The following RGS12 variants were observed in gnomAD, a reference collection of about 807,000 sequenced individuals.
The protein encoded by RGS12 is regulator of G protein signaling 12.
A neutral mutation model predicts 120.1 loss-of-function variants in RGS12; 66 were observed. The ratio of observed to expected loss-of-function variants is 0.55; its 90% CI spans 0.45 to 0.67. The LOEUF (loss-of-function observed/expected upper bound fraction) is 0.67, where lower values mean the gene tolerates loss of function less well. Ranked by LOEUF, RGS12 falls within the 30% of genes least tolerant of loss-of-function variation. The pLI is 0.00. For missense variants in RGS12, 1,859 were observed against 1,957.7 expected (o/e 0.95, Z 0.95); for synonymous variants, 827 against 804.7 (o/e 1.03, Z -0.47).
intron 3 of RGS12, among the ~76,000 whole-genome samples, chr4:3,375,010 C>T (rs762860): frequency 2.4e-4 from 36 of 152,334 alleles, no homozygotes; most frequent in African/African-American, 8.4e-4. Context: ...TTGCGTTTGC[C>T]ATGCACCGCC....
At chr4:3,428,013 C>T in intron 14 of RGS12, 77 bp from the exon 15 acceptor site, 1 of 1,353,894 alleles carries the variant, frequency 7.4e-7, no homozygotes, top group Non-Finnish European at 1.1e-6. Flanking sequence ...CTCTCAGAGA[C>T]AGTAGGAGCA....
chr4:3,381,391 T>C (rs1397174434), intron 3 of RGS12, among the ~76,000 whole-genome samples: 1 of 152,234 alleles, frequency 6.6e-6, no homozygotes, highest in African/African-American at 2.4e-5. Flanking sequence ...GGCAGCACCC[T>C]ACTTCTGGTA....
intron 4 of RGS12, among the ~76,000 whole-genome samples, chr4:3,407,152 A>G (rs1394143037): frequency 1.3e-5 from 2 of 152,130 alleles, no homozygotes; most frequent in African/African-American, 4.8e-5. Context: ...GCGTGTTGGG[A>G]GGCCGGGGTT....
At chr4:3,361,643 G>A (rs1475329804) in intron 3 of RGS12, among the ~76,000 whole-genome samples, 4 of 152,186 alleles carry the variant, frequency 2.6e-5, no homozygotes, top group African/African-American at 9.6e-5. Context: ...TCAGTGGGGA[G>A]CACCTGGAGG....
chr4:3,311,025 G>T (rs1430578629), intron 1 of RGS12, among the ~76,000 whole-genome samples: 1 of 152,246 alleles, frequency 6.6e-6, no homozygotes, highest in Admixed American at 6.5e-5. Flanking sequence ...CGATGATGGT[G>T]TTTAGGATGA....
At chr4:3,330,080 G>A (rs977558640) in intron 2 of RGS12, among the ~76,000 whole-genome samples, 1 of 152,222 alleles carries the variant, frequency 6.6e-6, no homozygotes, top group Non-Finnish European at 1.5e-5. Flanking sequence ...CTCTGGCCCA[G>A]ATTTCACATG....
chr4:3,296,415 C>G (rs1440434184), intron 1 of RGS12, among the ~76,000 whole-genome samples: 1 of 151,788 alleles, frequency 6.6e-6, no homozygotes, highest in Non-Finnish European at 1.5e-5. Flanking sequence ...ATCTTGAACT[C>G]TTAGCCTCAA....
intron 4 of RGS12, among the ~76,000 whole-genome samples, chr4:3,405,494 G>A (rs1329119562): frequency 2.0e-5 from 3 of 152,182 alleles, no homozygotes; most frequent in African/African-American, 7.2e-5. Flanking sequence ...CATTCCAGAT[G>A]GAAGGAGACT....
At chr4:3,424,521 G>A (rs537147090) in intron 13 of RGS12, among the ~76,000 whole-genome samples, 42 of 152,310 alleles carry the variant, frequency 2.8e-4, no homozygotes, top group Non-Finnish European at 4.1e-4. Context: ...CTGGGGAGAC[G>A]CTGCGCAATT....
chr4:3,428,327 C>G (rs1193926822), intron 15 of RGS12, 158 bp downstream of exon 15: 13 of 826,624 alleles, frequency 1.6e-5, no homozygotes, highest in Non-Finnish European at 2.7e-5. Flanking sequence ...CGATGCCCAG[C>G]TCCCTCTTAC....
rs550422413 is a variant in RGS12, at chr4:3,343,978, T to C, written c.1998+925T>C. On this transcript the variant is annotated intron_variant, in intron 3 of 17. Coordinates refer to ENST00000336727, the MANE Select transcript of RGS12 (RefSeq NM_001394154.1). The stretch of plus-strand genomic sequence containing the variant: ...TGAGTATATGACGATGATTGATGCC[T>C]TCCGCTATCGATAGACACTCAGTGG... 2.0e-4 allele frequency among the ~76,000 whole-genome samples: 31 copies of C among 152,378 alleles called. No homozygotes were observed. The East Asian group carries it at 5.2e-3, about 26-fold the overall frequency.
chr4:3,362,419 G>A (rs529463640), intron 3 of RGS12, among the ~76,000 whole-genome samples: 1 of 151,054 alleles, frequency 6.6e-6, no homozygotes, highest in Admixed American at 6.6e-5. Flanking sequence ...GTGTATCTGT[G>A]AGGGTATGTG....
At chr4:3,385,784 C>CG (rs1292227459) in intron 3 of RGS12, 1 of 153,702 alleles carries the variant, frequency 6.5e-6, no homozygotes, top group Non-Finnish European at 1.4e-5. Flanking sequence ...TCTCCCCAAC[C>CG]CTCCTGCTGG....
intron 1 of RGS12, among the ~76,000 whole-genome samples, chr4:3,296,198 T>C (rs536768927): frequency 9.2e-5 from 14 of 152,298 alleles, no homozygotes; most frequent in Non-Finnish European, 1.8e-4. Context: ...ATTTTCTCCT[T>C]TTAGAGACAG....
At chr4:3,395,038 A>T (rs1405639375) in intron 4 of RGS12, among the ~76,000 whole-genome samples, 1 of 152,100 alleles carries the variant, frequency 6.6e-6, no homozygotes, top group African/African-American at 2.4e-5. Context: ...AAAACAAAAA[A>T]AAACATTAGC....
chr4:3,295,121 G>A (rs747604172), intron 1 of RGS12, among the ~76,000 whole-genome samples: 52 of 152,294 alleles, frequency 3.4e-4, no homozygotes, highest in Admixed American at 7.2e-4. Context: ...GTGGCGCTGG[G>A]AGCTGGGACT....
At chr4:3,327,619 A>G (rs1424090509) in intron 2 of RGS12, among the ~76,000 whole-genome samples, 2 of 152,242 alleles carry the variant, frequency 1.3e-5, no homozygotes, top group African/African-American at 2.4e-5. Context: ...AAGGATACGA[A>G]TAGACATTTT....
intron 16 of RGS12, among the ~76,000 whole-genome samples, chr4:3,430,163 A>G (rs1724109610): frequency 6.6e-6 from 1 of 152,240 alleles, no homozygotes; most frequent in African/African-American, 2.4e-5. Flanking sequence ...GACCTCACAC[A>G]GCGTGGTTTT....
At chr4:3,404,800 T>G (rs1354806614) in intron 4 of RGS12, among the ~76,000 whole-genome samples, 1 of 152,240 alleles carries the variant, frequency 6.6e-6, no homozygotes, top group Non-Finnish European at 1.5e-5. Context: ...TGTCCAGATT[T>G]TGGTGTCTAT....
Sources: allele counts gnomAD v4.1 joint callset (sites outside exome capture counted in the v4.1 genomes callset), GRCh38; gene constraint gnomAD v4.1.1; transcripts MANE v1.5; gene names NCBI Gene and HGNC (gene_info 2026-07-23, HGNC 2026-07-21).